Variants in TOPAZ1 observed in about 807,000 individuals in gnomAD.
TOPAZ1 encodes protein TOPAZ1.
Under a neutral mutation model 172.2 loss-of-function variants are expected in TOPAZ1, and 66 were observed. The observed-to-expected ratio is 0.38, with a 90% confidence interval of 0.31 to 0.47. The LOEUF (loss-of-function observed/expected upper bound fraction) is 0.47. Among genes scored for constraint, TOPAZ1 ranks in the 20% least tolerant of loss-of-function variants. TOPAZ1 has a pLI of 0.99. For missense variants in TOPAZ1, 1,822 were observed against 1,972.4 expected (o/e 0.92, Z 1.44); for synonymous variants, 681 against 683.9 (o/e 1.00, Z 0.07).
rs1699525824 is a variant in TOPAZ1 at position 44,244,039 on chromosome 3, C to A, written c.1533C>A (p.Ser511=). 6.4e-7 allele frequency: 1 copy of A among 1,551,732 alleles called. No homozygotes were observed. The highest frequency in any genetic ancestry group is 1.2e-5 in the South Asian group (1 of 84,016). ...RISAWCWKKA[S]LPESSYFLRG... is the part of the protein sequence containing the mutation. ...CTGCCTGGTGTTGGAAAAAGGCTTC[C>A]TTGCCAGAATCAAGTTACTTTCTTC... The change falls in exon 2 of 20, where the codon TCC becomes TCA. Residue 511 remains serine (S), a synonymous_variant. Transcript: ENST00000309765.
At chr3:44,257,685 A>G (rs944113811) in intron 4 of TOPAZ1, among the ~76,000 whole-genome samples, 1 of 151,934 alleles carries the variant, frequency 6.6e-6, no homozygotes, top group Non-Finnish European at 1.5e-5. Context: ...TTACAAAGGT[A>G]GTACAGAGAA....
intron 2 of TOPAZ1, among the ~76,000 whole-genome samples, chr3:44,248,687 G>T (rs930921638): frequency 1.4e-4 from 22 of 152,146 alleles, no homozygotes; most frequent in Admixed American, 1.4e-3. Flanking sequence ...TAGTTCTTAT[G>T]CTCCATTTTC....
intron 9 of TOPAZ1, among the ~76,000 whole-genome samples, chr3:44,287,079 C>T (rs945280130): frequency 1.3e-5 from 2 of 152,162 alleles, no homozygotes; most frequent in African/African-American, 4.8e-5. Context: ...CTCAAGACTG[C>T]CTGGGAGCTT....
At chr3:44,252,082 T>C (rs1429469446) in intron 2 of TOPAZ1, among the ~76,000 whole-genome samples, 1 of 152,216 alleles carries the variant, frequency 6.6e-6, no homozygotes, top group Non-Finnish European at 1.5e-5. Flanking sequence ...GCTATTTTCA[T>C]AGTAAAAAGT....
At chr3:44,298,458 A>T (rs918636998) in intron 12 of TOPAZ1, among the ~76,000 whole-genome samples, 1 of 152,162 alleles carries the variant, frequency 6.6e-6, no homozygotes, top group African/African-American at 2.4e-5. Context: ...ACCCTGTCTC[A>T]AAAAAGAAAA....
At chr3:44,257,409 CTATTTTATATATTT>C (rs1699723460) in intron 4 of TOPAZ1, among the ~76,000 whole-genome samples, 1 of 74,038 alleles carries the variant, frequency 1.4e-5, no homozygotes, top group Non-Finnish European at 2.9e-5. Flanking sequence ...GTGTGTGTGT[CTATTTTATATATTT>C]TATATATATA....
chr3:44,328,476 GA>G, intron 19 of TOPAZ1, 43 bp downstream of exon 19: 2 of 1,176,110 alleles, frequency 1.7e-6, no homozygotes, highest in Non-Finnish European at 2.4e-6. Context: ...TGTAGATCAT[GA>G]CTCCCCACAC....
At chr3:44,273,704 C>G (rs1699922350) in intron 8 of TOPAZ1, among the ~76,000 whole-genome samples, 1 of 152,108 alleles carries the variant, frequency 6.6e-6, no homozygotes, top group South Asian at 2.1e-4. Flanking sequence ...CAAGAAAAGA[C>G]TATGCACTAA....
chr3:44,318,710 G>C (rs1172032689), intron 16 of TOPAZ1, among the ~76,000 whole-genome samples: 1 of 150,332 alleles, frequency 6.7e-6, no homozygotes, highest in Non-Finnish European at 1.5e-5. Context: ...CCTCTCCCAG[G>C]GGACTCATTT....
At chr3:44,305,933 A>G (rs950307621) in intron 14 of TOPAZ1, among the ~76,000 whole-genome samples, 2 of 152,202 alleles carry the variant, frequency 1.3e-5, no homozygotes, top group African/African-American at 4.8e-5. Context: ...ATAGTGGAGC[A>G]CCTGAATTTT....
At chr3:44,287,610 A>G (rs1700094334) in intron 10 of TOPAZ1, 70 bp downstream of exon 10, 2 of 1,197,524 alleles carry the variant, frequency 1.7e-6, no homozygotes, top group Non-Finnish European at 1.1e-6. Context: ...CATTGTTTGA[A>G]CTTAGCAGTT....
In TOPAZ1 at chr3:44,309,988, G is replaced by A. The variant is rs1006502439; in HGVS notation, c.4304G>A (p.Arg1435Lys). The change falls in exon 16 of 20, where the codon AGG becomes AAG. Residue 1435 changes from arginine to lysine, a missense_variant and splice_region_variant. By Grantham distance (26) the Arg-to-Lys change is conservative. Around this residue, in one of 2 missense-constraint regions of TOPAZ1, gnomAD observed 333 missense variants for 481.7 expected, o/e 0.69. Transcript: ENST00000309765. ...CTAGATGGTGCCATTTGGGTAATGA[G>A]GGGTAAGTCCTGATATATGCAAGCA... ...GSLDGAIWVM[R>K]ESEWIINTPL... 5.2e-6 allele frequency: 8 copies of A among 1,547,584 alleles called. No individual in the cohort carries two copies. Among genetic ancestry groups the A allele is most frequent in the Non-Finnish European group, 7.0e-6 (8 of 1,145,964 alleles).
At position 44,313,661 on chromosome 3, in the gene TOPAZ1, G is replaced by C. The variant is rs577484594; in HGVS notation, c.4306+3671G>C. Among the ~76,000 whole-genome samples, 29 of 150,242 alleles carry C rather than the reference G, an allele frequency of 1.9e-4. No homozygotes were observed. The South Asian group carries it at 5.7e-3, about 30-fold the overall frequency. The stretch of plus-strand genomic sequence containing the variant: ...CCCCCCACTTTATTAGAAAATCTTA[G>C]AGAGTTATTTCCTTTAGATATAGCT... On this transcript the variant is annotated intron_variant, in intron 16 of 19. Coordinates refer to ENST00000309765, the MANE Select transcript of TOPAZ1 (RefSeq NM_001145030.2).
chr3:44,293,935 A>G (rs1265397477), intron 12 of TOPAZ1, among the ~76,000 whole-genome samples: 1 of 152,200 alleles, frequency 6.6e-6, no homozygotes, highest in Non-Finnish European at 1.5e-5. Flanking sequence ...TCACATAAAG[A>G]CACATTTCTG....
At chr3:44,291,977 A>G (rs1230761200) in intron 12 of TOPAZ1, among the ~76,000 whole-genome samples, 1 of 152,198 alleles carries the variant, frequency 6.6e-6, no homozygotes, top group African/African-American at 2.4e-5. Flanking sequence ...AGTTAGGTCC[A>G]AACAAGTTAA....
At chr3:44,325,413 T>A (rs1370698029) in intron 18 of TOPAZ1, among the ~76,000 whole-genome samples, 1 of 152,174 alleles carries the variant, frequency 6.6e-6, no homozygotes, top group Non-Finnish European at 1.5e-5. Flanking sequence ...TCATTTTTGG[T>A]ATAGTCACAG....
At chr3:44,300,998 T>G (rs1327288256) in intron 12 of TOPAZ1, among the ~76,000 whole-genome samples, 1 of 152,034 alleles carries the variant, frequency 6.6e-6, no homozygotes, top group East Asian at 1.9e-4. Context: ...AAGGGAATTG[T>G]GTTGAATTTT....
chr3:44,276,301 C>T (rs1287849042), intron 8 of TOPAZ1, among the ~76,000 whole-genome samples: 2 of 151,908 alleles, frequency 1.3e-5, no homozygotes, highest in Non-Finnish European at 2.9e-5. Context: ...TATGTTTTCT[C>T]CTATGGTTTT....
At chr3:44,251,028 C>G (rs1280990478) in intron 2 of TOPAZ1, among the ~76,000 whole-genome samples, 1 of 152,146 alleles carries the variant, frequency 6.6e-6, no homozygotes, top group Non-Finnish European at 1.5e-5. Flanking sequence ...CAGTCCTATC[C>G]AGAAACAGAA....
Sources: allele counts gnomAD v4.1 joint callset (sites outside exome capture counted in the v4.1 genomes callset), GRCh38; gene constraint gnomAD v4.1.1; regional missense constraint gnomAD v4.1.1; transcripts MANE v1.5; gene names NCBI Gene and HGNC (gene_info 2026-07-23, HGNC 2026-07-21).